Variants in NPAS3 observed in about 807,000 individuals in gnomAD.
The protein encoded by NPAS3 is neuronal PAS domain protein 3, also known as neuronal PAS domain-containing protein 3.
Under a neutral mutation model 73.1 loss-of-function variants are expected in NPAS3, and 14 were observed. That is an observed-to-expected ratio of 0.19 (90% CI 0.13 to 0.30). The LOEUF (loss-of-function observed/expected upper bound fraction) is 0.30, where lower values mean the gene tolerates loss of function less well. Among genes scored for constraint, NPAS3 ranks in the 10% least tolerant of loss-of-function variants. The pLI is 1.00. For missense variants in NPAS3, 1,096 were observed against 1,250.0 expected (o/e 0.88, Z 1.86); for synonymous variants, 620 against 541.5 (o/e 1.14, Z -2.01).
At chr14:33,601,735 T>C (rs2057404390) in intron 5 of NPAS3, among the ~76,000 whole-genome samples, 1 of 152,232 alleles carries the variant, frequency 6.6e-6, no homozygotes, top group South Asian at 2.1e-4. Flanking sequence ...TTAGACTTAA[T>C]ACTTTATTTA....
chr14:33,687,215 G>T (rs2060114803), intron 6 of NPAS3, among the ~76,000 whole-genome samples: 1 of 152,102 alleles, frequency 6.6e-6, no homozygotes, highest in Non-Finnish European at 1.5e-5. Context: ...TCTGTCCACT[G>T]TCACTTTTTT....
At chr14:33,124,579 C>G (rs1464139274) in intron 2 of NPAS3, among the ~76,000 whole-genome samples, 1 of 151,924 alleles carries the variant, frequency 6.6e-6, no homozygotes, top group Non-Finnish European at 1.5e-5. Flanking sequence ...GAAATAAGGA[C>G]TGAAAGAGGC....
chr14:33,107,707 G>GA (rs1278825031), intron 2 of NPAS3, among the ~76,000 whole-genome samples: 3 of 152,026 alleles, frequency 2.0e-5, no homozygotes, highest in Admixed American at 6.6e-5. Flanking sequence ...GCTGCAATGA[G>GA]AAAAAACATA....
At chr14:33,778,340 C>A (rs1422499164) in intron 8 of NPAS3, 126 bp from the exon 9 acceptor site, 2 of 632,918 alleles carry the variant, frequency 3.2e-6, no homozygotes, top group African/African-American at 3.7e-5. Flanking sequence ...GTTTCCCTCA[C>A]AGTGCCACCT....
rs374283971 is a variant in NPAS3, at chr14:33,799,725, C to G, written c.1427-9C>G. 20 of 1,558,082 alleles carry G rather than the reference C, an allele frequency of 1.3e-5. No individual in the cohort carries two copies. In the African/African-American group the frequency reaches 1.8e-4, roughly 14 times the overall value. On this transcript the variant is annotated splice_polypyrimidine_tract_variant and intron_variant, in intron 11 of 11. Transcript: ENST00000356141. ...GCCCCCGCCACCGCCGGCCCCCCGC[C>G]CCACACAGAGGACAACGAGAACTCC...
chr14:33,192,418 A>G (rs1176690259), intron 2 of NPAS3, among the ~76,000 whole-genome samples: 1 of 152,200 alleles, frequency 6.6e-6, no homozygotes, highest in African/African-American at 2.4e-5. Flanking sequence ...TGAACCAGAT[A>G]GCCTTGAGGT....
intron 7 of NPAS3, among the ~76,000 whole-genome samples, chr14:33,761,237 A>C (rs1229689842): frequency 6.6e-6 from 1 of 151,634 alleles, no homozygotes; most frequent in East Asian, 1.9e-4. Flanking sequence ...TCAAAGGTTG[A>C]AAGTCACCAC....
chr14:33,114,705 C>T (rs1399306566), intron 2 of NPAS3, among the ~76,000 whole-genome samples: 1 of 152,050 alleles, frequency 6.6e-6, no homozygotes, highest in Non-Finnish European at 1.5e-5. Flanking sequence ...ATGTCATGGT[C>T]ACGTTAAACT....
Position 33,326,544 on chromosome 14 carries a change from T to C in NPAS3, c.386-40642T>C, listed in dbSNP as rs370129876. On this transcript the variant is annotated intron_variant, in intron 3 of 11. Transcript: ENST00000356141. ...TTAAATCTCCCAAGCTTTTTGTGCATGTGTGACAATAAAATGGATTATTAT... is the reference window on the plus strand; with the variant it reads ...TTAAATCTCCCAAGCTTTTTGTGCACGTGTGACAATAAAATGGATTATTAT... 3.9e-5 allele frequency among the ~76,000 whole-genome samples: 6 copies of C among 152,234 alleles called. 1 individual carries two copies. The East Asian group carries it at 9.6e-4, about 24-fold the overall frequency.
At chr14:33,180,100 G>A (rs1566646047) in intron 2 of NPAS3, among the ~76,000 whole-genome samples, 1 of 152,072 alleles carries the variant, frequency 6.6e-6, no homozygotes, top group Non-Finnish European at 1.5e-5. Flanking sequence ...TCCCTATTTT[G>A]AATGGTAAGG....
chr14:33,667,592 A>T (rs748278672), intron 5 of NPAS3, among the ~76,000 whole-genome samples: 1 of 152,216 alleles, frequency 6.6e-6, no homozygotes, highest in African/African-American at 2.4e-5. Context: ...TAGCACCTAG[A>T]GAGTGTTTAG....
intron 1 of NPAS3, among the ~76,000 whole-genome samples, chr14:32,998,688 C>T (rs1305200239): frequency 6.6e-6 from 1 of 152,178 alleles, no homozygotes; most frequent in African/African-American, 2.4e-5. Context: ...CTGTAGTTTC[C>T]TCTCACCCAT....
chr14:33,067,889 G>A (rs2041334657), intron 2 of NPAS3, among the ~76,000 whole-genome samples: 1 of 152,114 alleles, frequency 6.6e-6, no homozygotes, highest in African/African-American at 2.4e-5. Flanking sequence ...TCTCATTCTT[G>A]ACATTATCTT....
chr14:33,430,357 G>A (rs2048732578), intron 4 of NPAS3, among the ~76,000 whole-genome samples: 1 of 152,104 alleles, frequency 6.6e-6, no homozygotes, highest in African/African-American at 2.4e-5. Flanking sequence ...AAACTGGTAG[G>A]TTATAGTTGT....
At chr14:33,353,693 T>C (rs1216140533) in intron 3 of NPAS3, among the ~76,000 whole-genome samples, 1 of 152,212 alleles carries the variant, frequency 6.6e-6, no homozygotes, top group Non-Finnish European at 1.5e-5. Flanking sequence ...AAAGTCACTC[T>C]AGTAGTGGAG....
intron 4 of NPAS3, among the ~76,000 whole-genome samples, chr14:33,557,366 A>G (rs945728657): frequency 1.3e-5 from 2 of 152,198 alleles, no homozygotes; most frequent in East Asian, 3.9e-4. Context: ...ATCTCTTGCC[A>G]TCCTACTTCC....
rs746569085 is a variant in NPAS3 at position 33,379,191 on chromosome 14, C to T, written c.468+11923C>T. Reference sequence around the variant, plus strand: ...ATATATAATTATGTATATGCAAATACTCCTCTCACTTCTGGTCCCAAGCTT... The same window carrying T: ...ATATATAATTATGTATATGCAAATATTCCTCTCACTTCTGGTCCCAAGCTT... On this transcript the variant is annotated intron_variant, in intron 4 of 11. Transcript: ENST00000356141. Among the ~76,000 whole-genome samples the T allele has an allele frequency of 2.0e-5, 3 of 149,606 alleles. No individual in the cohort carries two copies. The Admixed American group carries it at 2.0e-4, about 10-fold the overall frequency.
At chr14:33,088,071 C>T (rs1017954117) in intron 2 of NPAS3, among the ~76,000 whole-genome samples, 10 of 152,216 alleles carry the variant, frequency 6.6e-5, no homozygotes, top group South Asian at 2.1e-4. Flanking sequence ...TCCAAGATCG[C>T]GGAATAGGAA....
At chr14:33,181,884 C>T (rs2045810461) in intron 2 of NPAS3, among the ~76,000 whole-genome samples, 1 of 152,190 alleles carries the variant, frequency 6.6e-6, no homozygotes, top group Non-Finnish European at 1.5e-5. Flanking sequence ...GCTTTTCTGT[C>T]TGAAACCACT....
Sources: gnomAD v4.1 joint callset for allele counts (sites outside exome capture counted in the v4.1 genomes callset) on GRCh38, gnomAD v4.1.1 for gene constraint, MANE v1.5 for transcripts, NCBI Gene and HGNC (gene_info 2026-07-23, HGNC 2026-07-21) for gene names.